The following XIRP2 variants were observed in gnomAD, a reference collection of about 807,000 sequenced individuals.
The protein encoded by XIRP2 is xin actin-binding repeat-containing protein 2.
A neutral mutation model predicts 277.0 loss-of-function variants in XIRP2; 236 were observed. That is an observed-to-expected ratio of 0.85 (90% CI 0.77 to 0.95). The LOEUF is 0.95. Ranked by LOEUF, XIRP2 falls within the 40% of genes least tolerant of loss-of-function variation. The probability of loss-of-function intolerance (pLI) is 0.00; values close to 1 mark genes in which losing one functional copy is unlikely to be tolerated. For missense variants in XIRP2, 4,640 were observed against 4,157.5 expected (o/e 1.12, Z -3.19); for synonymous variants, 1,490 against 1,416.5 (o/e 1.05, Z -1.17).
chr2:167,081,028 T>G (rs921417353), intron 2 of XIRP2, among the ~76,000 whole-genome samples: 3 of 152,148 alleles, frequency 2.0e-5, no homozygotes, highest in Admixed American at 2.0e-4. Flanking sequence ...AATGTAAGAT[T>G]TGCTTTAAAG....
Position 166,903,610 on chromosome 2 carries a change from T to C in XIRP2, c.128T>C (p.Leu43Ser), listed in dbSNP as rs771554734. 6.2e-7 allele frequency: 1 copy of C among 1,613,584 alleles called. No individual in the cohort carries two copies. The highest frequency in any genetic ancestry group is 8.5e-7 in the Non-Finnish European group (1 of 1,179,744). ...CTIFQPQESK[L>S]LAPEGEVVSA... ...ATTTTCCAGCCTCAGGAAAGCAAAT[T>C]GCTTGCGCCTGAAGGAGAGGTAGTA... Residue 43 changes from leucine to serine, a missense_variant, in exon 2 of 11, where the codon TTG becomes TCG. Transcript: ENST00000409195.
chr2:166,919,307 A>T (rs1684976183), intron 2 of XIRP2, among the ~76,000 whole-genome samples: 1 of 152,036 alleles, frequency 6.6e-6, no homozygotes, highest in Non-Finnish European at 1.5e-5. Flanking sequence ...TTCAAGCTCC[A>T]TTAATGTTTC....
intron 2 of XIRP2, among the ~76,000 whole-genome samples, chr2:167,089,176 CATCA>C (rs202146032): frequency 0.013 from 1,928 of 152,234 alleles, 16 homozygotes; most frequent in Non-Finnish European, 0.022. Flanking sequence ...ACAGTTCCAG[CATCA>C]CATGTAGAGA....
intron 3 of XIRP2, among the ~76,000 whole-genome samples, chr2:167,142,571 TAAAAA>T (rs879622825): frequency 1.3e-5 from 2 of 149,212 alleles, no homozygotes; most frequent in East Asian, 3.9e-4. Flanking sequence ...AATAAAAAAA[TAAAAA>T]AAAAGAGAGA....
At position 167,258,046 on chromosome 2, in the gene XIRP2, T is replaced by A. The variant is rs758401143; in HGVS notation, c.*229T>A. The A allele has an allele frequency of 6.2e-7, 1 of 1,613,024 alleles. No homozygotes were observed. Among genetic ancestry groups the A allele is most frequent in the Non-Finnish European group, 8.5e-7 (1 of 1,179,484 alleles). On this transcript the variant is annotated 3_prime_UTR_variant, in exon 11 of 11. Transcript: ENST00000409195. ...AAGAACCAAATATGTGTAAAAATAT[T>A]GCAGAAAACACCCTTGTACCTGGAG... is the stretch of plus-strand genomic sequence containing the variant.
chr2:167,227,036 G>C (rs539009251), intron 5 of XIRP2, among the ~76,000 whole-genome samples: 1 of 152,210 alleles, frequency 6.6e-6, no homozygotes, highest in African/African-American at 2.4e-5. Flanking sequence ...AGCTCTCTAG[G>C]TGATTCTAAT....
At chr2:167,059,832 C>A (rs867745759) in intron 2 of XIRP2, among the ~76,000 whole-genome samples, 1 of 152,182 alleles carries the variant, frequency 6.6e-6, no homozygotes, top group East Asian at 1.9e-4. Context: ...TTGGTCAATG[C>A]GACATCAGCA....
At chr2:167,145,060 G>A (rs1298036700) in intron 3 of XIRP2, among the ~76,000 whole-genome samples, 2 of 151,858 alleles carry the variant, frequency 1.3e-5, no homozygotes, top group Non-Finnish European at 2.9e-5. Context: ...CTCATTCCTG[G>A]TGTTTTTTGC....
chr2:167,158,303 G>A (rs987328650), intron 3 of XIRP2, among the ~76,000 whole-genome samples: 2 of 152,192 alleles, frequency 1.3e-5, no homozygotes, highest in Non-Finnish European at 2.9e-5. Context: ...TAGGGATGCA[G>A]TTGAAAGATG....
At chr2:167,078,096 C>T (rs1404117184) in intron 2 of XIRP2, among the ~76,000 whole-genome samples, 1 of 152,142 alleles carries the variant, frequency 6.6e-6, no homozygotes, top group Non-Finnish European at 1.5e-5. Context: ...AATGTTGATT[C>T]TTCCAATCCA....
chr2:167,050,522 A>G (rs1189983612), intron 2 of XIRP2, among the ~76,000 whole-genome samples: 1 of 152,024 alleles, frequency 6.6e-6, no homozygotes, highest in African/African-American at 2.4e-5. Flanking sequence ...ATTTTGGCAT[A>G]GAACTGTTAG....
intron 2 of XIRP2, among the ~76,000 whole-genome samples, chr2:166,915,602 A>G (rs891218713): frequency 6.6e-6 from 1 of 152,148 alleles, no homozygotes; most frequent in Non-Finnish European, 1.5e-5. Flanking sequence ...AGCCTCCCTA[A>G]AGAATCCTTT....
chr2:167,248,001 T>C lies in XIRP2; in HGVS notation c.6609T>C (p.Asn2203=), dbSNP rs1224697068. The change falls in exon 9 of 11, where the codon AAT becomes AAC. Residue 2203 remains asparagine, a synonymous_variant. Coordinates refer to ENST00000409195, the MANE Select transcript of XIRP2 (RefSeq NM_152381.6). ...CTAATAAGGATATAAAGAAAAAGAA[T>C]ATAAACCTTCAACCAATGTGGCAGC... ...KYSNKDIKKK[N]INLQPMWQLL... The C allele has an allele frequency of 6.2e-7, 1 of 1,612,964 alleles. No homozygotes were observed. Among genetic ancestry groups the C allele is most frequent in the South Asian group, 1.1e-5 (1 of 90,938 alleles).
At chr2:167,200,768 T>C (rs544894971) in intron 3 of XIRP2, among the ~76,000 whole-genome samples, 1 of 152,312 alleles carries the variant, frequency 6.6e-6, no homozygotes, top group South Asian at 2.1e-4. Context: ...CAACCATGCC[T>C]AGCCGACAGT....
At chr2:167,037,031 T>C (rs1428202918) in intron 2 of XIRP2, among the ~76,000 whole-genome samples, 3 of 152,164 alleles carry the variant, frequency 2.0e-5, no homozygotes, top group Non-Finnish European at 4.4e-5. Context: ...AACCTCTTTT[T>C]TTCTTCCCAG....
intron 2 of XIRP2, among the ~76,000 whole-genome samples, chr2:166,963,056 T>C (rs1174889604): frequency 6.6e-6 from 1 of 151,716 alleles, no homozygotes; most frequent in Non-Finnish European, 1.5e-5. Context: ...ATTACAAATA[T>C]ACTAATTACC....
chr2:166,968,040 T>C (rs1182941236), intron 2 of XIRP2, among the ~76,000 whole-genome samples: 1 of 151,942 alleles, frequency 6.6e-6, no homozygotes, highest in Non-Finnish European at 1.5e-5. Context: ...AAAGAATATA[T>C]TTAGCTACAG....
At chr2:167,076,275 A>G (rs998755341) in intron 2 of XIRP2, among the ~76,000 whole-genome samples, 1 of 152,148 alleles carries the variant, frequency 6.6e-6, no homozygotes, top group African/African-American at 2.4e-5. Flanking sequence ...TATGGCATCC[A>G]GGCAATTTCT....
chr2:167,251,218 G>A lies in XIRP2; in HGVS notation c.9826G>A (p.Gly3276Arg), dbSNP rs761044441. The A allele has an allele frequency of 1.2e-6, 2 of 1,613,482 alleles. No individual in the cohort carries two copies. Among genetic ancestry groups the A allele is most frequent in the African/African-American group, 1.3e-5 (1 of 74,976 alleles). Reference protein sequence around the residue: ...EKRATYVHKDGLNSTDHMVPD... With the variant: ...EKRATYVHKDRLNSTDHMVPD... Reference sequence around the variant, plus strand: ...GAGAGCTACTTATGTTCATAAAGATGGACTAAATTCCACTGATCACATGGT... The same window carrying A: ...GAGAGCTACTTATGTTCATAAAGATAGACTAAATTCCACTGATCACATGGT... Residue 3276 changes from glycine (G) to arginine (R), a missense_variant, in exon 9 of 11, where the codon GGA becomes AGA. Coordinates refer to ENST00000409195, the MANE Select transcript of XIRP2 (RefSeq NM_152381.6).
Sources: gnomAD v4.1 joint callset for allele counts (sites outside exome capture counted in the v4.1 genomes callset) on GRCh38, gnomAD v4.1.1 for gene constraint, MANE v1.5 for transcripts, NCBI Gene and HGNC (gene_info 2026-07-23, HGNC 2026-07-21) for gene names.